The following DDX31 variants were observed in gnomAD, a reference collection of about 807,000 sequenced individuals.
The protein encoded by DDX31 is ATP-dependent DNA helicase DDX31.
In DDX31, 70 loss-of-function variants were observed where a neutral mutation model predicts 91.3. The observed-to-expected ratio is 0.77, with a 90% CI of 0.63 to 0.94. DDX31 has a LOEUF of 0.94. Ranked by LOEUF, DDX31 falls within the 40% of genes least tolerant of loss-of-function variation. The pLI is 0.00. For missense variants in DDX31, 902 were observed against 925.0 expected (o/e 0.98, Z 0.32); for synonymous variants, 362 against 350.6 (o/e 1.03, Z -0.36).
chr9:132,662,220 A>C, intron 3 of DDX31, 41 bp downstream of exon 3: 1 of 1,606,078 alleles, frequency 6.2e-7, no homozygotes, highest in Non-Finnish European at 8.5e-7. Flanking sequence ...GGACAAACAC[A>C]CCAAAAAAAA....
At chr9:132,635,203 C>G (rs1010453886) in intron 14 of DDX31, among the ~76,000 whole-genome samples, 3 of 152,096 alleles carry the variant, frequency 2.0e-5, no homozygotes, top group Non-Finnish European at 2.9e-5. Context: ...GAGAAGGTGA[C>G]TTTCTCCTTC....
At chr9:132,606,961 A>AC (rs1831064585) in intron 19 of DDX31, among the ~76,000 whole-genome samples, 1 of 152,116 alleles carries the variant, frequency 6.6e-6, no homozygotes, top group African/African-American at 2.4e-5. Context: ...GATGAAAACC[A>AC]CCCCAGAGCT....
chr9:132,667,602 C>CA (rs1338465350), intron 1 of DDX31, among the ~76,000 whole-genome samples: 4 of 131,472 alleles, frequency 3.0e-5, no homozygotes, highest in East Asian at 4.3e-4. Context: ...GACTCCATCT[C>CA]AAAAAAACAA....
Position 132,595,988 on chromosome 9 carries a change from C to T in DDX31, c.1995-876G>A, listed in dbSNP as rs1830417714. ...AAGAGTAAAACAATGTTTCTTAAGA[C>T]AGGATTTTAACCAAAGCAACAACAA... On this transcript the variant is annotated intron_variant, in intron 19 of 19. Transcript: ENST00000372159. This position sits in a 1 kb window ranked among gnomAD's most constrained non-coding sequence, Gnocchi z 4.6. 6.6e-6 allele frequency among the ~76,000 whole-genome samples: 1 copy of T among 152,186 alleles called. No individual in the cohort carries two copies. Among genetic ancestry groups the T allele is most frequent in the South Asian group, 2.1e-4 (1 of 4,828 alleles).
At chr9:132,636,590 C>T (rs1311181838) in intron 14 of DDX31, among the ~76,000 whole-genome samples, 2 of 152,176 alleles carry the variant, frequency 1.3e-5, no homozygotes, top group Admixed American at 6.5e-5. Context: ...TGATGAAGGG[C>T]GCCAGCAGCC....
chr9:132,658,263 A>G, intron 6 of DDX31: 1 of 702,978 alleles, frequency 1.4e-6, no homozygotes, highest in Admixed American at 2.0e-5. Flanking sequence ...GAACTGAGGT[A>G]GAAATCCAGT....
At chr9:132,603,247 T>C (rs973053617) in intron 19 of DDX31, among the ~76,000 whole-genome samples, 2 of 152,240 alleles carry the variant, frequency 1.3e-5, no homozygotes, top group Non-Finnish European at 2.9e-5. Flanking sequence ...GTATCCCTCA[T>C]TTTGACTATT....
Position 132,600,574 on chromosome 9 carries a change from C to T in DDX31, c.1995-5462G>A, listed in dbSNP as rs116027680. 9.1e-3 allele frequency among the ~76,000 whole-genome samples: 1,392 copies of T among 152,234 alleles called. 13 individuals carry two copies. The highest frequency in any genetic ancestry group is 0.032 in the African/African-American group (1,312 of 41,510). On this transcript the variant is annotated intron_variant, in intron 19 of 19. Coordinates refer to ENST00000372159, the MANE Select transcript of DDX31 (RefSeq NM_022779.9). Reference sequence around the variant, plus strand: ...GCGGATGGCCCGGCACACTTGCTGCCTGGAAGGCCATGCACATGATGGGAA... The same window carrying T: ...GCGGATGGCCCGGCACACTTGCTGCTTGGAAGGCCATGCACATGATGGGAA...
intron 14 of DDX31, among the ~76,000 whole-genome samples, chr9:132,634,990 T>C (rs1301056109): frequency 6.6e-6 from 1 of 152,008 alleles, no homozygotes; most frequent in Admixed American, 6.5e-5. Context: ...ATTGACTTAC[T>C]TAGTTTTTCG....
rs1169169383 is a variant in DDX31 at position 132,652,428 on chromosome 9, C to T, written c.633+20G>A. On this transcript the variant is annotated intron_variant, in intron 7 of 19. Coordinates refer to ENST00000372159, the MANE Select transcript of DDX31 (RefSeq NM_022779.9). ...TGAAAGCATGTGCTTAAAACTTGTC[C>T]CAAAAGGGAGCCTGCTTACCTCTCT... is the stretch of plus-strand genomic sequence containing the variant. 1 of 1,613,900 alleles carries T rather than the reference C, an allele frequency of 6.2e-7. No individual in the cohort carries two copies.
Position 132,659,700 on chromosome 9 carries a change from T to A in DDX31, c.523+10A>T. 1 of 1,603,958 alleles carries A rather than the reference T, an allele frequency of 6.2e-7. No individual in the cohort carries two copies. The highest frequency in any genetic ancestry group is 2.2e-5 in the East Asian group (1 of 44,604). ...CAGATGAAAAAGGGCAGAGATGAAA[T>A]GAGACTAACCTGAGCCCGTCTGGGA... On this transcript the variant is annotated intron_variant, in intron 5 of 19. Transcript: ENST00000372159.
intron 13 of DDX31, among the ~76,000 whole-genome samples, chr9:132,643,982 G>A (rs925027691): frequency 9.9e-5 from 15 of 151,406 alleles, no homozygotes; most frequent in South Asian, 2.1e-4. Context: ...AAATAGTAAC[G>A]TCTATCCAAT....
At chr9:132,623,045 G>A (rs981320946) in intron 17 of DDX31, among the ~76,000 whole-genome samples, 5 of 150,668 alleles carry the variant, frequency 3.3e-5, no homozygotes, top group Admixed American at 6.6e-5. Flanking sequence ...CAGGAGAATC[G>A]GTGGAACCCA....
Position 132,669,171 on chromosome 9 carries a change from C to T in DDX31, c.75+689G>A, listed in dbSNP as rs572589792. On this transcript the variant is annotated intron_variant, in intron 1 of 19. Transcript: ENST00000372159. The stretch of plus-strand genomic sequence containing the variant: ...CTTTGAAAGGTGGTAGACTCTTAAT[C>T]TCTTTAGGATTGGGAGGGCCTGGAA... 2.6e-5 allele frequency among the ~76,000 whole-genome samples: 4 copies of T among 152,214 alleles called. No homozygotes were observed. In the South Asian group the frequency reaches 6.2e-4, roughly 24 times the overall value.
intron 19 of DDX31, among the ~76,000 whole-genome samples, chr9:132,605,710 CCAGGCCCAGGACATGTT>C (rs377535886): frequency 7.4e-4 from 113 of 152,258 alleles, no homozygotes; most frequent in African/African-American, 2.6e-3. Context: ...GGGGAGAGGT[CCAGGCCCAGGACATGTT>C]CAGGCAAAGG....
chr9:132,642,508 G>A (rs1833565723), intron 13 of DDX31, among the ~76,000 whole-genome samples: 1 of 152,016 alleles, frequency 6.6e-6, no homozygotes, highest in Admixed American at 6.6e-5. Flanking sequence ...TATTTTAATT[G>A]GAGAGAAAAT....
intron 17 of DDX31, among the ~76,000 whole-genome samples, chr9:132,619,451 T>G (rs1172525004): frequency 6.6e-6 from 1 of 152,036 alleles, no homozygotes; most frequent in Non-Finnish European, 1.5e-5. Flanking sequence ...TAGAGGACGG[T>G]GTATGAGCGC....
Position 132,662,617 on chromosome 9 carries a change from G to A in DDX31, c.154C>T (p.Leu52Phe). 6.2e-7 allele frequency: 1 copy of A among 1,614,200 alleles called. No individual in the cohort carries two copies. The highest frequency in any genetic ancestry group is 8.5e-7 in the Non-Finnish European group (1 of 1,180,040). The change falls in exon 2 of 20, where the codon CTC becomes TTC. Residue 52 changes from leucine to phenylalanine, a missense_variant. Coordinates refer to ENST00000372159, the MANE Select transcript of DDX31 (RefSeq NM_022779.9). The part of the protein sequence containing the change: ...PAKRRNETSF[L>F]PAKKTSVKET... Reference sequence around the variant, plus strand: ...TTAACACTAGTTTTCTTGGCTGGGAGAAATGAAGTTTCGTTCCTCCGTTTC... The same window carrying A: ...TTAACACTAGTTTTCTTGGCTGGGAAAAATGAAGTTTCGTTCCTCCGTTTC...
Position 132,623,710 on chromosome 9 carries a change from CT to C in DDX31, c.1713+1953del, listed in dbSNP as rs1458589819. On this transcript the variant is annotated intron_variant, in intron 17 of 19. Coordinates refer to ENST00000372159, the MANE Select transcript of DDX31 (RefSeq NM_022779.9). ...ACTAAGGCTTAGAGAGGTCCAGTCC[CT>C]GCCCAAGGTCACACACTGGTGACAG... 2.6e-5 allele frequency among the ~76,000 whole-genome samples: 4 copies of C among 151,972 alleles called. No individual in the cohort carries two copies. The East Asian group carries it at 7.7e-4, about 29-fold the overall frequency.
Sources: gnomAD v4.1 joint callset for allele counts (sites outside exome capture counted in the v4.1 genomes callset) on GRCh38, gnomAD v4.1.1 for gene constraint, Gnocchi (gnomAD v3.1) non-coding constraint, MANE v1.5 for transcripts, NCBI Gene and HGNC (gene_info 2026-07-23, HGNC 2026-07-21) for gene names.